SLC4A5: variants seen among roughly 807,000 people sequenced by gnomAD.
The protein encoded by SLC4A5 is solute carrier family 4 member 5, also known as electrogenic sodium bicarbonate cotransporter 4.
Under a neutral mutation model 120.4 loss-of-function variants are expected in SLC4A5, and 96 were observed. The observed-to-expected ratio is 0.80, with a 90% CI of 0.68 to 0.94. SLC4A5 has a LOEUF of 0.94. SLC4A5 is among the 40% of genes least tolerant of loss of function. The pLI is 0.00. For synonymous variants in SLC4A5, 550 were observed against 571.1 expected, an observed-to-expected ratio of 0.96 and a Z score of 0.53; for missense variants, 1,259 against 1,459.5, an observed-to-expected ratio of 0.86 and a Z score of 2.24.
chr2:74,292,383 C>T (rs1427291977), intron 7 of SLC4A5, among the ~76,000 whole-genome samples: 3 of 152,208 alleles, frequency 2.0e-5, no homozygotes, highest in South Asian at 4.1e-4. Context: ...GTCTCTGCCC[C>T]TCCCTTCTGC....
intron 8 of SLC4A5, among the ~76,000 whole-genome samples, chr2:74,280,106 C>T (rs1394965787): frequency 6.6e-6 from 1 of 152,194 alleles, no homozygotes. Flanking sequence ...AACACTGCAA[C>T]ATGGCTGGCA....
At chr2:74,237,617 G>A (rs566341652) in intron 21 of SLC4A5, among the ~76,000 whole-genome samples, 1 of 152,144 alleles carries the variant, frequency 6.6e-6, no homozygotes, top group Non-Finnish European at 1.5e-5. Context: ...ATTATGATTA[G>A]TAGCAGTAGC....
chr2:74,254,492 T>C, intron 14 of SLC4A5, 127 bp downstream of exon 14: 1 of 725,032 alleles, frequency 1.4e-6, no homozygotes, highest in South Asian at 1.6e-5. Flanking sequence ...ATCTTTAGCA[T>C]CCTATGTAGT....
intron 7 of SLC4A5, among the ~76,000 whole-genome samples, chr2:74,287,364 T>C (rs1672016720): frequency 6.6e-6 from 1 of 151,868 alleles, no homozygotes; most frequent in Admixed American, 6.6e-5. Flanking sequence ...TGGAATCAAA[T>C]AGAATCCCAA....
At chr2:74,263,995 C>T in intron 10 of SLC4A5, 152 bp downstream of exon 10, 1 of 1,022,576 alleles carries the variant, frequency 9.8e-7, no homozygotes, top group Non-Finnish European at 1.4e-6. Context: ...GGCTGGGGTC[C>T]CCACAGGCCT....
intron 6 of SLC4A5, among the ~76,000 whole-genome samples, chr2:74,309,288 C>T (rs540302192): frequency 1.1e-4 from 17 of 152,006 alleles, no homozygotes; most frequent in African/African-American, 3.6e-4. Context: ...AAATATTATT[C>T]TTCTTCCATT....
chr2:74,251,260 G>A (rs1050436587), intron 16 of SLC4A5, among the ~76,000 whole-genome samples: 1 of 151,958 alleles, frequency 6.6e-6, no homozygotes, highest in African/African-American at 2.4e-5. Context: ...CCTGGGCTCG[G>A]GGGTAGGGGG....
At chr2:74,225,644 G>A (rs1694816263) in intron 27 of SLC4A5, among the ~76,000 whole-genome samples, 1 of 152,150 alleles carries the variant, frequency 6.6e-6, no homozygotes, top group Non-Finnish European at 1.5e-5. Context: ...ACTTGAGCAT[G>A]CACCAGGACC....
chr2:74,264,999 C>T (rs1396366509), intron 9 of SLC4A5, 105 bp downstream of exon 9: 2 of 1,311,430 alleles, frequency 1.5e-6, no homozygotes, highest in Non-Finnish European at 2.1e-6. Context: ...AATCAGGTGT[C>T]AGAGACGGGC....
chr2:74,238,414 G>C (rs908773259), intron 21 of SLC4A5, among the ~76,000 whole-genome samples: 1 of 151,896 alleles, frequency 6.6e-6, no homozygotes, highest in African/African-American at 2.4e-5. Context: ...AAATGCAAAG[G>C]GCCAAGAAAA....
chr2:74,288,350 C>T (rs558401419), intron 7 of SLC4A5, among the ~76,000 whole-genome samples: 1 of 152,244 alleles, frequency 6.6e-6, no homozygotes, highest in African/African-American at 2.4e-5. Flanking sequence ...AAATTCACAA[C>T]CCCTGCCCTC....
chr2:74,259,765 A>G (rs1008810472), intron 11 of SLC4A5, 122 bp from the exon 12 acceptor site: 8 of 865,290 alleles, frequency 9.2e-6, no homozygotes, highest in Non-Finnish European at 1.6e-5. Context: ...CTCCCCCTTA[A>G]TCCTGCAGTC....
chr2:74,232,434 C>A (rs1169069735), intron 24 of SLC4A5, 35 bp downstream of exon 24: 1 of 1,596,820 alleles, frequency 6.3e-7, no homozygotes, highest in Non-Finnish European at 8.5e-7. Flanking sequence ...GGGCCCCTCC[C>A]CATTGGGTGA....
chr2:74,320,536 C>T (rs1387772363), intron 5 of SLC4A5, among the ~76,000 whole-genome samples: 1 of 152,130 alleles, frequency 6.6e-6, no homozygotes, highest in Admixed American at 6.5e-5. Context: ...ACCTAGAATT[C>T]CAGTCCCAAT....
rs111610066 is a variant in SLC4A5, at chr2:74,286,061, A to G, written c.272-159T>C. On this transcript the variant is annotated intron_variant, in intron 7 of 30. Transcript: ENST00000394019. ...TGGGTGATGCTGGCCTCCTGTAACC[A>G]TGAATCAGAGGTGGGCGAGATACTC... Among the ~76,000 whole-genome samples, 389 of 152,332 alleles carry G rather than the reference A, an allele frequency of 2.6e-3. 4 individuals are homozygous for G. Among genetic ancestry groups the G allele is most frequent in the African/African-American group, 8.9e-3 (371 of 41,570 alleles).
At chr2:74,321,431 C>T in intron 5 of SLC4A5, among the ~76,000 whole-genome samples, 1 of 152,098 alleles carries the variant, frequency 6.6e-6, no homozygotes, top group Admixed American at 6.5e-5. Context: ...CCAGGTTTAG[C>T]AAATGAAACT....
At chr2:74,227,170 C>T (rs375958360) in intron 26 of SLC4A5, 40 bp from the exon 27 acceptor site, 172 of 1,558,688 alleles carry the variant, frequency 1.1e-4, no homozygotes, top group Middle Eastern at 1.9e-4. Flanking sequence ...AGCCAGACCC[C>T]GAGGGCCCGC....
intron 7 of SLC4A5, among the ~76,000 whole-genome samples, chr2:74,301,125 A>T (rs994993965): frequency 9.2e-5 from 14 of 152,166 alleles, no homozygotes; most frequent in Non-Finnish European, 1.8e-4. Flanking sequence ...CTTGCAGCAT[A>T]TATTAAAGCC....
At chr2:74,278,530 T>C (rs1671714536) in intron 8 of SLC4A5, among the ~76,000 whole-genome samples, 1 of 152,132 alleles carries the variant, frequency 6.6e-6, no homozygotes, top group Non-Finnish European at 1.5e-5. Context: ...ATAGCCCTCA[T>C]TCTGTGTTAC....
Sources: gnomAD v4.1 joint callset for allele counts (sites outside exome capture counted in the v4.1 genomes callset) on GRCh38, gnomAD v4.1.1 for gene constraint, MANE v1.5 for transcripts, NCBI Gene and HGNC (gene_info 2026-07-23, HGNC 2026-07-21) for gene names.